Variants in GANC observed in about 807,000 individuals in gnomAD.
GANC encodes the protein glucosidase alpha, neutral C, also known as neutral alpha-glucosidase C.
A neutral mutation model predicts 124.2 loss-of-function variants in GANC; 117 were observed. That is an observed-to-expected ratio of 0.94 (90% confidence interval 0.81 to 1.10). The LOEUF is 1.10. Ranked by LOEUF, GANC falls within the 50% of genes least tolerant of loss-of-function variation. The pLI is 0.00. For synonymous variants in GANC, 377 were observed against 376.8 expected (o/e 1.00, Z -0.01); for missense variants, 1,140 against 1,095.0 (o/e 1.04, Z -0.58).
intron 21 of GANC, 53 bp from the exon 22 acceptor site, chr15:42,349,330 T>C: frequency 8.9e-7 from 1 of 1,118,146 alleles, no homozygotes; most frequent in East Asian, 2.4e-5. Context: ...TGACATTCTT[T>C]TCCTGTAAAG....
chr15:42,274,633 C>A, intron 1 of GANC, 123 bp downstream of exon 1: 1 of 986,262 alleles, frequency 1.0e-6, no homozygotes, highest in Non-Finnish European at 1.5e-6. Context: ...TCTCTCAATT[C>A]GCGGGAAGTT....
Position 42,339,660 on chromosome 15 carries a change from T to G in GANC, c.1844-9T>G. 1 of 1,608,584 alleles carries G rather than the reference T, an allele frequency of 6.2e-7. No individual in the cohort carries two copies. Among genetic ancestry groups the G allele is most frequent in the South Asian group, 1.1e-5 (1 of 90,866 alleles). On this transcript the variant is annotated splice_polypyrimidine_tract_variant and intron_variant, in intron 16 of 23. Coordinates refer to ENST00000318010, the MANE Select transcript of GANC (RefSeq NM_198141.3). Reference sequence around the variant, plus strand: ...TTGGTTGCCTCACTTGGCCTTCTTTTGCTTCCAGCTGACATAGGCGGGTTC... The same window carrying G: ...TTGGTTGCCTCACTTGGCCTTCTTTGGCTTCCAGCTGACATAGGCGGGTTC...
intron 10 of GANC, among the ~76,000 whole-genome samples, chr15:42,318,928 T>C (rs895626208): frequency 6.6e-6 from 1 of 152,186 alleles, no homozygotes; most frequent in Non-Finnish European, 1.5e-5. Context: ...TTCTGGATGT[T>C]AGATGTGGAC....
intron 22 of GANC, among the ~76,000 whole-genome samples, chr15:42,350,706 C>G (rs369797783): frequency 6.6e-6 from 1 of 151,628 alleles, no homozygotes; most frequent in African/African-American, 2.4e-5. Flanking sequence ...ATGCCCACCA[C>G]CATGCCTGGC....
At chr15:42,298,164 G>A (rs775907155) in intron 6 of GANC, among the ~76,000 whole-genome samples, 1 of 152,112 alleles carries the variant, frequency 6.6e-6, no homozygotes, top group Non-Finnish European at 1.5e-5. Context: ...AAAAAGTTGG[G>A]AAAAGAATGT....
At chr15:42,308,458 C>T (rs191457189) in intron 8 of GANC, 140 bp downstream of exon 8, 342 of 551,400 alleles carry the variant, frequency 6.2e-4, no homozygotes, top group Admixed American at 1.5e-3. Flanking sequence ...TCTTTAAGAA[C>T]CCTCCTTGAA....
At chr15:42,310,595 A>G (rs920110958) in intron 9 of GANC, 98 bp from the exon 10 acceptor site, 32 of 1,494,054 alleles carry the variant, frequency 2.1e-5, no homozygotes, top group Non-Finnish European at 2.9e-5. Context: ...AGTGAATATC[A>G]GTAGTATCTA....
intron 3 of GANC, chr15:42,281,131 C>G: frequency 1.4e-6 from 1 of 702,388 alleles, no homozygotes; most frequent in Non-Finnish European, 2.6e-6. Flanking sequence ...ACTCCATGCT[C>G]AGGTATTAGA....
intron 14 of GANC, 143 bp downstream of exon 14, chr15:42,329,592 A>G (rs541920401): frequency 3.0e-6 from 2 of 659,538 alleles, no homozygotes; most frequent in African/African-American, 1.8e-5. Flanking sequence ...AGTCTTAGGT[A>G]GTAGCCAATA....
At chr15:42,304,647 A>G (rs1002584252) in intron 6 of GANC, among the ~76,000 whole-genome samples, 1 of 152,348 alleles carries the variant, frequency 6.6e-6, no homozygotes, top group African/African-American at 2.4e-5. Context: ...AAAAGAGTCC[A>G]TATAGCCAAG....
chr15:42,279,139 T>C (rs2051706339), intron 3 of GANC, among the ~76,000 whole-genome samples: 1 of 152,382 alleles, frequency 6.6e-6, no homozygotes, highest in African/African-American at 2.4e-5. Flanking sequence ...TATTTCCTTT[T>C]GTTTAGTCTT....
intron 2 of GANC, chr15:42,278,155 C>A: frequency 4.5e-6 from 1 of 223,138 alleles, no homozygotes; most frequent in Non-Finnish European, 9.5e-6. Context: ...CTATTAAAGT[C>A]CATTTTATGG....
In GANC at chr15:42,274,509, A is replaced by C; in HGVS notation, c.28A>C (p.Ser10Arg). The change falls in exon 1 of 24, where the codon AGT (serine) becomes CGT (arginine). Residue 10 changes from serine (S) to arginine (R), a missense_variant and splice_region_variant. Coordinates refer to ENST00000318010, the MANE Select transcript of GANC (RefSeq NM_198141.3). ...GGAAGCAGCAGTGAAAGAGGAAATA[A>C]GGTAAAGGCCAAGTGCTTCTGTAGC... MEAAVKEEI[S>R]LEDEAVDKNI... 3 of 1,609,348 alleles carry C rather than the reference A, an allele frequency of 1.9e-6. No individual in the cohort carries two copies. Among genetic ancestry groups the C allele is most frequent in the Non-Finnish European group, 2.5e-6 (3 of 1,177,996 alleles).
intron 3 of GANC, among the ~76,000 whole-genome samples, chr15:42,282,402 C>T (rs2051743114): frequency 6.6e-6 from 1 of 152,154 alleles, no homozygotes; most frequent in South Asian, 2.1e-4. Flanking sequence ...GGAGATTGCA[C>T]ATTAAGATAT....
intron 2 of GANC, 148 bp from the exon 3 acceptor site, chr15:42,278,334 G>A (rs1041115954): frequency 6.1e-6 from 3 of 493,790 alleles, no homozygotes; most frequent in Non-Finnish European, 1.1e-5. Context: ...TTCCTGATTA[G>A]CACTTTATTA....
chr15:42,330,511 G>A, intron 14 of GANC, 65 bp from the exon 15 acceptor site: 7 of 1,116,072 alleles, frequency 6.3e-6, no homozygotes, highest in Non-Finnish European at 9.5e-6. Context: ...ATGTTAGATA[G>A]CTTATTGGGG....
At chr15:42,313,989 A>G (rs1374063152) in intron 10 of GANC, 2 of 676,754 alleles carry the variant, frequency 3.0e-6, no homozygotes, top group East Asian at 5.4e-5. Context: ...AATTAATGTA[A>G]TAGTGACATG....
At position 42,352,253 on chromosome 15, in the gene GANC, A is replaced by G; in HGVS notation, c.*114A>G. On this transcript the variant is annotated 3_prime_UTR_variant, in exon 24 of 24. Coordinates refer to ENST00000318010, the MANE Select transcript of GANC (RefSeq NM_198141.3). ...TGTTTGCCTTCCCTGAATCAAAATA[A>G]TCTTTCATTCGTCACCATTATACTA... 6.6e-7 allele frequency: 1 copy of G among 1,509,776 alleles called. No homozygotes were observed. The highest frequency in any genetic ancestry group is 8.9e-7 in the Non-Finnish European group (1 of 1,128,342). 93.5% of individuals were successfully genotyped at this position (1,509,776 alleles called of 1,614,324 possible).
In GANC at chr15:42,331,992, T is replaced by C. The variant is rs1378801149; in HGVS notation, c.1741+1320T>C. On this transcript the variant is annotated intron_variant, in intron 15 of 23. Coordinates refer to ENST00000318010, the MANE Select transcript of GANC (RefSeq NM_198141.3). The stretch of plus-strand genomic sequence containing the variant: ...GTGATAATTTGATATGTTCATATAA[T>C]CAAATCAGAGTAATTGGGATATCTA... 4.6e-5 allele frequency among the ~76,000 whole-genome samples: 7 copies of C among 152,280 alleles called. No individual in the cohort carries two copies. The East Asian group carries it at 1.3e-3, about 29-fold the overall frequency.
Sources: allele counts gnomAD v4.1 joint callset (sites outside exome capture counted in the v4.1 genomes callset), GRCh38; gene constraint gnomAD v4.1.1; transcripts MANE v1.5; gene names NCBI Gene and HGNC (gene_info 2026-07-23, HGNC 2026-07-21).